NCOR1: variants seen among roughly 807,000 people sequenced by gnomAD.
NCOR1 encodes the protein nuclear receptor corepressor 1.
In NCOR1, 63 loss-of-function variants were observed where a neutral mutation model predicts 288.1. The observed-to-expected ratio is 0.22, with a 90% CI of 0.18 to 0.27. NCOR1 has a LOEUF of 0.27. Ranked by LOEUF, NCOR1 falls within the 10% of genes least tolerant of loss-of-function variation. NCOR1 has a pLI of 1.00. For missense variants in NCOR1, 2,397 were observed against 3,019.2 expected, an observed-to-expected ratio of 0.79 and a Z score of 4.83; for synonymous variants, 1,007 against 1,065.9, an observed-to-expected ratio of 0.94 and a Z score of 1.08.
chr17:16,076,425 A>G (rs940704812), intron 26 of NCOR1, among the ~76,000 whole-genome samples: 2 of 152,224 alleles, frequency 1.3e-5, no homozygotes, highest in Non-Finnish European at 2.9e-5. Context: ...GATGAGGAGC[A>G]TAGTGGCCGG....
At chr17:16,137,486 A>G in intron 13 of NCOR1, 74 bp from the exon 14 acceptor site, 5 of 762,874 alleles carry the variant, frequency 6.6e-6, no homozygotes, top group Non-Finnish European at 1.0e-5. Context: ...ATTACTTCCA[A>G]GGAAAATCTC....
chr17:16,176,270 T>C (rs1368129734), intron 3 of NCOR1, among the ~76,000 whole-genome samples: 2 of 151,934 alleles, frequency 1.3e-5, no homozygotes, highest in Non-Finnish European at 2.9e-5. Flanking sequence ...TTTGTTTTGT[T>C]TTGCTTTGTT....
At chr17:16,044,769 C>A in intron 42 of NCOR1, 3 of 915,418 alleles carry the variant, frequency 3.3e-6, no homozygotes, top group Non-Finnish European at 3.6e-6. Context: ...TTTGCAATGG[C>A]CCTGGCCAAT....
At position 16,193,928 on chromosome 17, in the gene NCOR1, C is replaced by A. The variant is rs191882964; in HGVS notation, c.108+534G>T. Among the ~76,000 whole-genome samples the A allele has an allele frequency of 5.3e-3, 802 of 152,096 alleles. 26 individuals are homozygous for A. Among genetic ancestry groups the A allele is most frequent in the Admixed American group, 0.043 (655 of 15,254 alleles). Reference sequence around the variant, plus strand: ...TTCTTTAAACCTCTTACACCCATAACCTTGGTCTACTCTGATATGATTATT... The same window carrying A: ...TTCTTTAAACCTCTTACACCCATAAACTTGGTCTACTCTGATATGATTATT... On this transcript the variant is annotated intron_variant, in intron 2 of 45. Transcript: ENST00000268712.
At chr17:16,050,674 CTTTTT>C (rs200382132) in intron 40 of NCOR1, among the ~76,000 whole-genome samples, 1 of 151,256 alleles carries the variant, frequency 6.6e-6, no homozygotes, top group Non-Finnish European at 1.5e-5. Flanking sequence ...AAGATAGCCA[CTTTTT>C]TTTTAAGTTG....
chr17:16,085,396 T>C (rs992701012), intron 23 of NCOR1, among the ~76,000 whole-genome samples: 2 of 151,872 alleles, frequency 1.3e-5, no homozygotes, highest in South Asian at 2.1e-4. Flanking sequence ...ACAAGAAAAA[T>C]AAAAACATAT....
chr17:16,057,298 C>G, intron 40 of NCOR1: 1 of 555,874 alleles, frequency 1.8e-6, no homozygotes, highest in Non-Finnish European at 3.2e-6. Flanking sequence ...AGAATATAAT[C>G]ATCTTTTGAA....
At chr17:16,209,009 G>A (rs1346913489) in intron 1 of NCOR1, among the ~76,000 whole-genome samples, 1 of 152,112 alleles carries the variant, frequency 6.6e-6, no homozygotes, top group Non-Finnish European at 1.5e-5. Context: ...TAGCTGCTAA[G>A]CTCATTTTTA....
rs1405451950 is a variant in NCOR1, at chr17:16,085,490, G to A, written c.3177+792C>T. ...AAATAGCTCAGGTTTTCATCAACAG[G>A]AGAATGGATAAACAAACTGGTATTA... is the stretch of plus-strand genomic sequence containing the variant. On this transcript the variant is annotated intron_variant, in intron 23 of 45. Coordinates refer to ENST00000268712, the MANE Select transcript of NCOR1 (RefSeq NM_006311.4). 3.3e-5 allele frequency among the ~76,000 whole-genome samples: 5 copies of A among 152,212 alleles called. No homozygotes were observed. In the East Asian group the frequency reaches 5.8e-4, roughly 18 times the overall value.
At chr17:16,091,770 C>G (rs1031975910) in intron 22 of NCOR1, 93 bp downstream of exon 22, 1 of 1,584,628 alleles carries the variant, frequency 6.3e-7, no homozygotes, top group African/African-American at 1.3e-5. Flanking sequence ...AGTTGGGAGG[C>G]TGACAACTTA....
In NCOR1 at chr17:16,064,113, GCTCCCGCTCCTT is replaced by G; in HGVS notation, c.5164_5175del (p.Lys1722_Glu1725del). The G allele has an allele frequency of 6.2e-7, 1 of 1,614,038 alleles. No homozygotes were observed. Among genetic ancestry groups the G allele is most frequent in the Non-Finnish European group, 8.5e-7 (1 of 1,179,990 alleles). On this transcript the variant is annotated inframe_deletion, in exon 35 of 46. Transcript: ENST00000268712. Reference sequence around the variant, plus strand: ...GAGGAAGCTGCAGCAATCCGTTCCCGCTCCCGCTCCTTCTCCCGCTCCCGTTCCCGTTCCCTC... The same window carrying G: ...GAGGAAGCTGCAGCAATCCGTTCCCGCTCCCGCTCCCGTTCCCGTTCCCTC...
chr17:16,134,216 T>C (rs1321384069), intron 14 of NCOR1, among the ~76,000 whole-genome samples: 1 of 152,140 alleles, frequency 6.6e-6, no homozygotes, highest in African/African-American at 2.4e-5. Context: ...CACAAATAAA[T>C]GGAATAAGTA....
At chr17:16,162,618 A>C (rs1046152758) in intron 5 of NCOR1, among the ~76,000 whole-genome samples, 6 of 152,150 alleles carry the variant, frequency 3.9e-5, no homozygotes, top group Non-Finnish European at 7.4e-5. Flanking sequence ...GGAAGCAAGA[A>C]GACAATGTAC....
At chr17:16,151,749 G>T in intron 8 of NCOR1, 197 bp downstream of exon 8, 1 of 1,049,836 alleles carries the variant, frequency 9.5e-7, no homozygotes, top group Non-Finnish European at 1.4e-6. Flanking sequence ...TTCATTTTTT[G>T]GCCTCGGAAA....
At chr17:16,206,495 C>T (rs2091525195) in intron 1 of NCOR1, among the ~76,000 whole-genome samples, 1 of 152,190 alleles carries the variant, frequency 6.6e-6, no homozygotes, top group Non-Finnish European at 1.5e-5. Flanking sequence ...AAGTGATTCT[C>T]CTGCCTCAGC....
rs2074100443 is a variant in NCOR1 at position 16,126,636 on chromosome 17, T to C, written c.1510-430A>G. ...TATAATGCTATAAGAAACATCTTCA[T>C]GCATTTATACTTTTGAGCGAAAGTC... On this transcript the variant is annotated intron_variant, in intron 14 of 45. Coordinates refer to ENST00000268712, the MANE Select transcript of NCOR1 (RefSeq NM_006311.4). Among the ~76,000 whole-genome samples, 3 of 152,224 alleles carry C rather than the reference T, an allele frequency of 2.0e-5. No individual in the cohort carries two copies. In the South Asian group the frequency reaches 6.2e-4, roughly 32 times the overall value.
intron 18 of NCOR1, among the ~76,000 whole-genome samples, chr17:16,114,160 A>AAAAAAAAAAAAC (rs2071033766): frequency 1.9e-5 from 2 of 106,894 alleles, no homozygotes; most frequent in Admixed American, 1.1e-4. Context: ...AAAAAAAAAA[A>AAAAAAAAAAAAC]AAAAAAAAAC....
chr17:16,034,251 G>A (rs1973475882), intron 45 of NCOR1, among the ~76,000 whole-genome samples: 1 of 152,060 alleles, frequency 6.6e-6, no homozygotes, highest in Admixed American at 6.5e-5. Context: ...TTTGTTTATG[G>A]TAATCAGGCT....
At position 16,086,430 on chromosome 17, in the gene NCOR1, G is replaced by A. The variant is rs768898714; in HGVS notation, c.3029C>T (p.Ala1010Val). 1 of 1,613,314 alleles carries A rather than the reference G, an allele frequency of 6.2e-7. No individual in the cohort carries two copies. The highest frequency in any genetic ancestry group is 2.2e-5 in the East Asian group (1 of 44,870). ...GAGATTAGTTATCACTTGATGTGGA[G>A]CAGGCTGAAGGACTTTTAAAAGGAA... ...PNREWEVLQP[A>V]PHQVITNLPE... The change falls in exon 23 of 46, where the codon GCT becomes GTT. Residue 1010 changes from alanine to valine, a missense_variant. By Grantham distance (64) the Ala-to-Val change is moderately conservative. Coordinates refer to ENST00000268712, the MANE Select transcript of NCOR1 (RefSeq NM_006311.4).
Sources: allele counts gnomAD v4.1 joint callset (sites outside exome capture counted in the v4.1 genomes callset), GRCh38; gene constraint gnomAD v4.1.1; transcripts MANE v1.5; gene names NCBI Gene and HGNC (gene_info 2026-07-23, HGNC 2026-07-21).